GRM5: variants seen among roughly 807,000 people sequenced by gnomAD.
GRM5 encodes the protein metabotropic glutamate receptor 5.
A neutral mutation model predicts 83.1 loss-of-function variants in GRM5; 19 were observed. That is an observed-to-expected ratio of 0.23 (90% confidence interval 0.16 to 0.34). GRM5 has a LOEUF of 0.34. Ranked by LOEUF, GRM5 falls within the 10% of genes least tolerant of loss-of-function variation. The pLI, the probability that GRM5 is intolerant of heterozygous loss-of-function variation, is 1.00. For synonymous variants in GRM5, 675 were observed against 633.6 expected (o/e 1.07, Z -0.98); for missense variants, 1,160 against 1,588.3 (o/e 0.73, Z 4.58).
intron 2 of GRM5, among the ~76,000 whole-genome samples, chr11:88,949,042 A>C (rs918713886): frequency 2.0e-4 from 30 of 152,288 alleles, no homozygotes; most frequent in Admixed American, 1.7e-3. Flanking sequence ...TTTCCTCTTT[A>C]CTGTCTAGAT....
chr11:88,991,308 A>C (rs1244079757), intron 2 of GRM5, among the ~76,000 whole-genome samples: 1 of 152,048 alleles, frequency 6.6e-6, no homozygotes, highest in Admixed American at 6.5e-5. Context: ...CTTACAAGGG[A>C]TGTGAAGGAC....
chr11:88,576,275 G>T (rs896426866), intron 7 of GRM5, among the ~76,000 whole-genome samples: 10 of 152,056 alleles, frequency 6.6e-5, no homozygotes, highest in African/African-American at 2.4e-4. Context: ...TGACTGACAG[G>T]TTCCTCTCAT....
chr11:88,943,447 T>C (rs1938176561), intron 2 of GRM5, among the ~76,000 whole-genome samples: 1 of 152,062 alleles, frequency 6.6e-6, no homozygotes, highest in Non-Finnish European at 1.5e-5. Context: ...AAAGTCTAGG[T>C]CTGACTGTAA....
chr11:88,863,650 G>C (rs1208565781), intron 2 of GRM5, among the ~76,000 whole-genome samples: 1 of 126,518 alleles, frequency 7.9e-6, no homozygotes, highest in Non-Finnish European at 1.7e-5. Context: ...AGCCTAAAGA[G>C]CATAAAAAAC....
intron 2 of GRM5, among the ~76,000 whole-genome samples, chr11:88,885,052 A>G (rs1423225705): frequency 2.0e-5 from 3 of 152,134 alleles, no homozygotes; most frequent in Non-Finnish European, 2.9e-5. Flanking sequence ...AGATCTGAAA[A>G]GAAGCCATTT....
intron 2 of GRM5, among the ~76,000 whole-genome samples, chr11:88,854,176 C>T (rs889758150): frequency 2.6e-5 from 4 of 150,958 alleles, no homozygotes; most frequent in African/African-American, 9.8e-5. Flanking sequence ...CATTTTTGTA[C>T]CGCTAATGGG....
chr11:88,612,450 C>A (rs1938349623), intron 4 of GRM5, among the ~76,000 whole-genome samples: 1 of 151,926 alleles, frequency 6.6e-6, no homozygotes, highest in African/African-American at 2.4e-5. Flanking sequence ...GTCTTTATAG[C>A]AGCATGATTT....
rs1036154276 is a variant in GRM5 at position 89,020,558 on chromosome 11, A to G, written c.661+26654T>C. On this transcript the variant is annotated intron_variant, in intron 2 of 9. Coordinates refer to ENST00000305447, the MANE Select transcript of GRM5 (RefSeq NM_001143831.3). ...AGTAAAAACAAGCCAAATTATGGCC[A>G]TGATGGTCCTCATTCAATTACACTA... is the stretch of plus-strand genomic sequence containing the variant. 2.6e-5 allele frequency among the ~76,000 whole-genome samples: 4 copies of G among 152,226 alleles called. No individual in the cohort carries two copies. The South Asian group carries it at 6.2e-4, about 24-fold the overall frequency.
intron 2 of GRM5, among the ~76,000 whole-genome samples, chr11:89,030,421 G>T (rs2135123882): frequency 6.6e-6 from 1 of 152,218 alleles, no homozygotes; most frequent in South Asian, 2.1e-4. Flanking sequence ...AAGCAAGACA[G>T]AAACAATCAT....
chr11:88,803,687 G>C (rs1015333157), intron 3 of GRM5, among the ~76,000 whole-genome samples: 2 of 152,074 alleles, frequency 1.3e-5, no homozygotes, highest in African/African-American at 2.4e-5. Context: ...TGACAAATGG[G>C]ATCTAATTAA....
intron 8 of GRM5, among the ~76,000 whole-genome samples, chr11:88,546,722 C>T (rs1942393079): frequency 6.6e-6 from 1 of 151,978 alleles, no homozygotes; most frequent in Non-Finnish European, 1.5e-5. Context: ...AAATTTCATG[C>T]TAATGAGATT....
chr11:88,940,334 G>A (rs1484664960), intron 2 of GRM5, among the ~76,000 whole-genome samples: 1 of 142,904 alleles, frequency 7.0e-6, no homozygotes, highest in Non-Finnish European at 1.5e-5. Context: ...TTTTTTGGAA[G>A]ACCTTTTAAA....
chr11:88,834,937 G>C (rs1173630513), intron 3 of GRM5, among the ~76,000 whole-genome samples: 15 of 152,062 alleles, frequency 9.9e-5, no homozygotes, highest in Non-Finnish European at 1.3e-4. Context: ...TAGGCTGACT[G>C]AGTTGAAGAG....
chr11:88,525,617 A>T (rs529456411), intron 8 of GRM5, among the ~76,000 whole-genome samples: 1 of 152,312 alleles, frequency 6.6e-6, no homozygotes, highest in East Asian at 1.9e-4. Context: ...TTTTTGGTTA[A>T]ACCACATGTA....
intron 1 of GRM5, among the ~76,000 whole-genome samples, chr11:89,061,411 A>G (rs1941990123): frequency 6.6e-6 from 1 of 152,190 alleles, no homozygotes; most frequent in African/African-American, 2.4e-5. Flanking sequence ...GTAAAAGACA[A>G]TATAGTAAGA....
intron 3 of GRM5, among the ~76,000 whole-genome samples, chr11:88,711,759 A>T (rs1248279594): frequency 6.6e-6 from 1 of 151,318 alleles, no homozygotes; most frequent in Non-Finnish European, 1.5e-5. Flanking sequence ...TCCTCTCCTG[A>T]CTCAGATTAT....
chr11:88,689,167 A>C (rs1312201350), intron 3 of GRM5, among the ~76,000 whole-genome samples: 2 of 152,180 alleles, frequency 1.3e-5, no homozygotes, highest in African/African-American at 4.8e-5. Flanking sequence ...TGTAAAAACA[A>C]AACATGCCTC....
At chr11:88,895,401 G>C (rs1205403320) in intron 2 of GRM5, among the ~76,000 whole-genome samples, 3 of 151,896 alleles carry the variant, frequency 2.0e-5, no homozygotes, top group East Asian at 3.9e-4. Context: ...GTGACTTCAA[G>C]TGCATCACTA....
chr11:88,729,660 A>T (rs922955357), intron 3 of GRM5, among the ~76,000 whole-genome samples: 1 of 152,208 alleles, frequency 6.6e-6, no homozygotes, highest in African/African-American at 2.4e-5. Context: ...AACGCATGGT[A>T]CTGGTACCAA....
Sources: gnomAD v4.1 joint callset for allele counts (sites outside exome capture counted in the v4.1 genomes callset) on GRCh38, gnomAD v4.1.1 for gene constraint, MANE v1.5 for transcripts, NCBI Gene and HGNC (gene_info 2026-07-23, HGNC 2026-07-21) for gene names.